SS18L1: variants seen among roughly 807,000 people sequenced by gnomAD.
SS18L1 encodes the protein SS18L1 subunit of BAF chromatin remodeling complex, also known as calcium-responsive transactivator.
Under a neutral mutation model 70.3 loss-of-function variants are expected in SS18L1, and 32 were observed. That is an observed-to-expected ratio of 0.46 (90% CI 0.34 to 0.61). The LOEUF is 0.61. Among genes scored for constraint, SS18L1 ranks in the 20% least tolerant of loss-of-function variants. SS18L1 has a pLI of 0.01. For synonymous variants in SS18L1, 237 were observed against 229.7 expected, an observed-to-expected ratio of 1.03 and a Z score of -0.29; for missense variants, 430 against 542.1, an observed-to-expected ratio of 0.79 and a Z score of 2.05.
intron 8 of SS18L1, among the ~76,000 whole-genome samples, chr20:62,171,878 C>T (rs1334161987): frequency 6.6e-6 from 1 of 151,886 alleles, no homozygotes; most frequent in Admixed American, 6.6e-5. Flanking sequence ...ATTACCTGGG[C>T]ATGGTCGGGC....
At chr20:62,170,263 T>C (rs1483720929) in intron 8 of SS18L1, among the ~76,000 whole-genome samples, 2 of 152,252 alleles carry the variant, frequency 1.3e-5, no homozygotes, top group Admixed American at 1.3e-4. Context: ...CTCAGCACTT[T>C]GGGAGGCCGG....
At chr20:62,157,527 C>T (rs114065026) in intron 1 of SS18L1, among the ~76,000 whole-genome samples, 2,048 of 152,308 alleles carry the variant, frequency 0.013, 40 homozygotes, top group African/African-American at 0.045. Flanking sequence ...CCTGGCCGTC[C>T]CTGGACCAGA....
intron 8 of SS18L1, among the ~76,000 whole-genome samples, chr20:62,168,673 G>A (rs892663272): frequency 3.3e-5 from 5 of 152,138 alleles, no homozygotes; most frequent in African/African-American, 1.2e-4. Context: ...CATTAGCCAG[G>A]TGTGGTGGCA....
chr20:62,164,261 C>T lies in SS18L1; in HGVS notation c.823+15C>T, dbSNP rs376805505. The T allele has an allele frequency of 1.2e-5, 19 of 1,541,834 alleles. No individual in the cohort carries two copies. Among genetic ancestry groups the T allele is most frequent in the African/African-American group, 6.9e-5 (5 of 72,876 alleles). On this transcript the variant is annotated intron_variant, in intron 7 of 10. Coordinates refer to ENST00000331758, the MANE Select transcript of SS18L1 (RefSeq NM_198935.3). The stretch of plus-strand genomic sequence containing the variant: ...CTACCCCGACGGTGAGCACTGGCGG[C>T]GGCCTGACCCCGCCCAGGAACGCAG...
At chr20:62,162,506 G>T (rs2057348068) in intron 4 of SS18L1, 1 of 437,518 alleles carries the variant, frequency 2.3e-6, no homozygotes, top group African/African-American at 2.1e-5. Context: ...GTTTCACCAT[G>T]TTGTCCAGGC....
At position 62,143,866 on chromosome 20, in the gene SS18L1, G is replaced by A. The variant is rs759098099; in HGVS notation, c.46G>A (p.Val16Ile). 5 of 1,295,412 alleles carry A rather than the reference G, an allele frequency of 3.9e-6. No individual in the cohort carries two copies. The highest frequency in any genetic ancestry group is 5.1e-6 in the Non-Finnish European group (5 of 989,726). 80.2% of individuals were successfully genotyped at this position (1,295,412 alleles called of 1,614,324 possible). A position where few individuals can be genotyped will look rare whatever the true frequency, so the allele number is the denominator to read the frequency against. The change falls in exon 1 of 11, where the codon GTT becomes ATT. Residue 16 changes from valine (V) to isoleucine (I), a missense_variant. Transcript: ENST00000331758. ...TGCCCGGCCAAGAGGCAAAGGGGAG[G>A]TTACGCAGCAAACCATCCAGAAGGT... ...ASARPRGKGE[V>I]TQQTIQKMLD...
intron 10 of SS18L1, among the ~76,000 whole-genome samples, chr20:62,177,713 C>T (rs2057644627): frequency 6.6e-6 from 1 of 152,142 alleles, no homozygotes; most frequent in African/African-American, 2.4e-5. Flanking sequence ...AGTTTCTCTT[C>T]TTCATGTTGT....
In SS18L1 at chr20:62,152,593, G is replaced by A. The variant is rs79663129; in HGVS notation, c.70-6079G>A. Among the ~76,000 whole-genome samples the A allele has an allele frequency of 7.3e-3, 1,104 of 152,250 alleles. 21 individuals are homozygous for A. Among genetic ancestry groups the A allele is most frequent in the African/African-American group, 0.025 (1,046 of 41,536 alleles). ...GCACATCAGGAAGCTGGGAAACAGT[G>A]TCTGCAGAAGACAGCAGTAAATACA... On this transcript the variant is annotated intron_variant, in intron 1 of 10. Coordinates refer to ENST00000331758, the MANE Select transcript of SS18L1 (RefSeq NM_198935.3).
intron 1 of SS18L1, among the ~76,000 whole-genome samples, chr20:62,148,328 C>T (rs368653138): frequency 2.0e-5 from 3 of 147,526 alleles, no homozygotes; most frequent in South Asian, 2.2e-4. Flanking sequence ...GTGAGGGAGG[C>T]TTGGCCTCCT....
Position 62,182,133 on chromosome 20 carries a change from T to G in SS18L1, c.*2925T>G, listed in dbSNP as rs1431055316. ...GACAAGATCTCCTAAGATCTGTGAATGGGATTAAGGTGGACAAGATCTCCT... is the reference window on the plus strand; with the variant it reads ...GACAAGATCTCCTAAGATCTGTGAAGGGGATTAAGGTGGACAAGATCTCCT... On this transcript the variant is annotated 3_prime_UTR_variant, in exon 11 of 11. Coordinates refer to ENST00000331758, the MANE Select transcript of SS18L1 (RefSeq NM_198935.3). 1.8e-5 allele frequency: 4 copies of G among 227,092 alleles called. No individual in the cohort carries two copies. The highest frequency in any genetic ancestry group is 8.9e-5 in the African/African-American group (4 of 45,012). 14.1% of individuals were successfully genotyped at this position (227,092 alleles called of 1,614,324 possible). A position where few individuals can be genotyped will look rare whatever the true frequency, so the allele number is the denominator to read the frequency against.
At position 62,179,730 on chromosome 20, in the gene SS18L1, G is replaced by GGGGGGGGGGGGGGGGGCCCCCC; in HGVS notation, c.*522_*523insGGGGGGGGGGGGGGGGCCCCCC. 1 of 96,716 alleles carries GGGGGGGGGGGGGGGGGCCCCCC rather than the reference G, an allele frequency of 1.0e-5. No homozygotes were observed. The highest frequency in any genetic ancestry group is 2.0e-5 in the Non-Finnish European group (1 of 48,824). 6.0% of individuals were successfully genotyped at this position (96,716 alleles called of 1,614,324 possible). A position where few individuals can be genotyped will look rare whatever the true frequency, so the allele number is the denominator to read the frequency against. On this transcript the variant is annotated 3_prime_UTR_variant, in exon 11 of 11. Coordinates refer to ENST00000331758, the MANE Select transcript of SS18L1 (RefSeq NM_198935.3). ...GTGCCTCGATGGGGTGGGTGGGAGG[G>GGGGGGGGGGGGGGGGGCCCCCC]CATCTTCTGTGCGTTGGGTCAGTTT...
intron 1 of SS18L1, chr20:62,154,458 C>T (rs1601001417): frequency 9.7e-7 from 1 of 1,031,092 alleles, no homozygotes; most frequent in Non-Finnish European, 1.2e-6. Context: ...CTTCCGGAAA[C>T]CTCCATGGTG....
At chr20:62,178,404 C>T (rs1432019921) in intron 10 of SS18L1, among the ~76,000 whole-genome samples, 3 of 151,866 alleles carry the variant, frequency 2.0e-5, no homozygotes, top group Admixed American at 6.6e-5. Context: ...CCACCCACCT[C>T]GGCCTCCCAA....
chr20:62,151,860 GCTCCCC>G (rs2057137137), intron 1 of SS18L1, among the ~76,000 whole-genome samples: 4 of 105,340 alleles, frequency 3.8e-5, no homozygotes, highest in African/African-American at 7.5e-5. Context: ...CTCTTTTCCC[GCTCCCC>G]AGAGCTGGCC....
At chr20:62,178,010 C>G in intron 10 of SS18L1, among the ~76,000 whole-genome samples, 1 of 141,576 alleles carries the variant, frequency 7.1e-6, no homozygotes, top group African/African-American at 2.7e-5. Context: ...AGCCACTGTG[C>G]CTGGCCTTTT....
At chr20:62,167,763 C>CA (rs1174650892) in intron 8 of SS18L1, among the ~76,000 whole-genome samples, 1 of 152,130 alleles carries the variant, frequency 6.6e-6, no homozygotes, top group Admixed American at 6.5e-5. Context: ...CACTTTGTCC[C>CA]AAAAACAAAC....
chr20:62,179,763 G>T lies in SS18L1; in HGVS notation c.*555G>T. 4.3e-6 allele frequency: 1 copy of T among 231,800 alleles called. No homozygotes were observed. Among genetic ancestry groups the T allele is most frequent in the Non-Finnish European group, 8.5e-6 (1 of 117,274 alleles). 14.4% of individuals were successfully genotyped at this position (231,800 alleles called of 1,614,324 possible). On this transcript the variant is annotated 3_prime_UTR_variant, in exon 11 of 11. Coordinates refer to ENST00000331758, the MANE Select transcript of SS18L1 (RefSeq NM_198935.3). ...TGTGCGTTGGGTCAGTTTCTGTTAC[G>T]TAACGAAAAGGATAAACATCTCCCA...
At chr20:62,155,889 ACCTGTTCCAT>A (rs2145718269) in intron 1 of SS18L1, among the ~76,000 whole-genome samples, 1 of 151,686 alleles carries the variant, frequency 6.6e-6, no homozygotes, top group South Asian at 2.1e-4. Flanking sequence ...AGAAGGCCAC[ACCTGTTCCAT>A]CCTTAGTCGC....
chr20:62,165,582 C>G (rs2057414478), intron 8 of SS18L1, 68 bp downstream of exon 8: 1 of 1,440,718 alleles, frequency 6.9e-7, no homozygotes, highest in Admixed American at 1.9e-5. Flanking sequence ...AGACGCTGCA[C>G]CCTTAGGAGC....
Sources: gnomAD v4.1 joint callset for allele counts (sites outside exome capture counted in the v4.1 genomes callset) on GRCh38, gnomAD v4.1.1 for gene constraint, MANE v1.5 for transcripts, NCBI Gene and HGNC (gene_info 2026-07-23, HGNC 2026-07-21) for gene names.